BFSP2: variants seen among roughly 807,000 people sequenced by gnomAD.
BFSP2 encodes the protein phakinin.
Under a neutral mutation model 44.9 loss-of-function variants are expected in BFSP2, and 38 were observed. That is an observed-to-expected ratio of 0.85 (90% confidence interval 0.65 to 1.11). The LOEUF is 1.11. Ranked by LOEUF, BFSP2 falls within the 50% of genes least tolerant of loss-of-function variation. The pLI, the probability that BFSP2 is intolerant of heterozygous loss-of-function variation, is 0.00. For missense variants in BFSP2, 525 were observed against 533.0 expected (o/e 0.99, Z 0.15); for synonymous variants, 197 against 209.9 (o/e 0.94, Z 0.53).
chr3:133,446,401 A>G (rs1362208574), intron 1 of BFSP2, among the ~76,000 whole-genome samples: 4 of 151,492 alleles, frequency 2.6e-5, no homozygotes, highest in Middle Eastern at 3.2e-3. Context: ...AGCCTGGGCA[A>G]CAAAGCAAGA....
chr3:133,418,721 C>G (rs1261318242), intron 1 of BFSP2, among the ~76,000 whole-genome samples: 1 of 152,176 alleles, frequency 6.6e-6, no homozygotes, highest in Non-Finnish European at 1.5e-5. Flanking sequence ...CTATGTTTTT[C>G]CTAACAAAAT....
Position 133,475,090 on chromosome 3 carries a change from G to C in BFSP2, c.*118G>C. The C allele has an allele frequency of 6.9e-7, 1 of 1,458,172 alleles. No homozygotes were observed. Among genetic ancestry groups the C allele is most frequent in the Non-Finnish European group, 9.6e-7 (1 of 1,040,160 alleles). The allele number at this position is 1,458,172 out of a possible 1,614,324, so 90.3% of individuals were successfully genotyped here. On this transcript the variant is annotated 3_prime_UTR_variant, in exon 7 of 7. Transcript: ENST00000302334. ...CCTGCTGGATTCCCTGGTTAATTCA[G>C]CTTGAGCTGAAAAGCTTCCTGGAAG... is the stretch of plus-strand genomic sequence containing the variant.
chr3:133,433,143 C>G (rs951080223), intron 1 of BFSP2, among the ~76,000 whole-genome samples: 65 of 152,200 alleles, frequency 4.3e-4, no homozygotes, highest in African/African-American at 1.5e-3. Flanking sequence ...AATCTGGCCT[C>G]CCACATTATT....
chr3:133,462,246 G>A (rs2074071139), intron 4 of BFSP2, among the ~76,000 whole-genome samples: 1 of 130,670 alleles, frequency 7.7e-6, no homozygotes, highest in Non-Finnish European at 1.8e-5. Flanking sequence ...ACGTTTATTT[G>A]TAAAAAAAGA....
At chr3:133,450,179 G>A (rs2073948717) in intron 3 of BFSP2, 124 bp from the exon 4 acceptor site, 3 of 1,087,796 alleles carry the variant, frequency 2.8e-6, no homozygotes, top group Admixed American at 3.9e-5. Context: ...TCTCTGTGAA[G>A]CCTGTGTCTG....
intron 1 of BFSP2, among the ~76,000 whole-genome samples, chr3:133,419,255 C>G (rs966557759): frequency 2.2e-4 from 33 of 152,136 alleles, no homozygotes; most frequent in African/African-American, 8.0e-4. Context: ...CAGTCACATT[C>G]TGGGGTACTG....
At chr3:133,464,451 T>C (rs2107938568) in intron 4 of BFSP2, among the ~76,000 whole-genome samples, 1 of 152,362 alleles carries the variant, frequency 6.6e-6, no homozygotes, top group Non-Finnish European at 1.5e-5. Context: ...AATTAGATAC[T>C]TGATTAAAAC....
chr3:133,466,746 TG>T, intron 4 of BFSP2, 81 bp from the exon 5 acceptor site: 1 of 1,425,930 alleles, frequency 7.0e-7, no homozygotes, highest in Non-Finnish European at 9.6e-7. Flanking sequence ...GGCAGTGGAG[TG>T]GTGATTAGAA....
At chr3:133,431,625 G>A (rs1338281085) in intron 1 of BFSP2, among the ~76,000 whole-genome samples, 14 of 152,248 alleles carry the variant, frequency 9.2e-5, no homozygotes, top group East Asian at 3.9e-4. Context: ...CAGAAGCCCC[G>A]CAGACCATCA....
intron 1 of BFSP2, among the ~76,000 whole-genome samples, chr3:133,419,702 C>T (rs77641780): frequency 1.9e-3 from 289 of 152,350 alleles, no homozygotes; most frequent in African/African-American, 6.8e-3. Context: ...TGGGCGGCTT[C>T]CGACCCATCA....
rs781292197 is a variant in BFSP2 at position 133,400,954 on chromosome 3, C to A, written c.489+382C>A. On this transcript the variant is annotated intron_variant, in intron 1 of 6. Transcript: ENST00000302334. The surrounding 1 kb of genome is among the most constrained non-coding windows in gnomAD (Gnocchi z 4.0). ...CCAAAGTTGCATTTGCCCCATTACC[C>A]TGGGGCTGCCTCAGTCACCTTTACT... Among the ~76,000 whole-genome samples the A allele has an allele frequency of 7.2e-5, 11 of 152,182 alleles. No individual in the cohort carries two copies. Among genetic ancestry groups the A allele is most frequent in the Non-Finnish European group, 7.3e-5 (5 of 68,028 alleles).
chr3:133,455,532 A>T (rs2074005601), intron 4 of BFSP2: 1 of 152,042 alleles, frequency 6.6e-6, no homozygotes, highest in South Asian at 2.1e-4. Context: ...CCACTCAGAT[A>T]CTCCTCTTTT....
chr3:133,420,512 TCA>T (rs2073583014), intron 1 of BFSP2, among the ~76,000 whole-genome samples: 1 of 152,162 alleles, frequency 6.6e-6, no homozygotes, highest in African/African-American at 2.4e-5. Flanking sequence ...TCCACCATGA[TCA>T]CAGAGTGAGC....
intron 5 of BFSP2, among the ~76,000 whole-genome samples, chr3:133,467,886 T>A (rs771066927): frequency 2.4e-4 from 37 of 152,184 alleles, no homozygotes; most frequent in Admixed American, 4.6e-4. Flanking sequence ...AAGAAAAGGA[T>A]CTGAGGATCT....
intron 5 of BFSP2, 144 bp downstream of exon 5, chr3:133,467,103 C>T (rs2074117788): frequency 1.7e-6 from 2 of 1,146,620 alleles, no homozygotes; most frequent in Non-Finnish European, 2.5e-6. Context: ...TTCTGACTCC[C>T]AAGGATCATC....
rs2074171136 is a variant in BFSP2 at position 133,472,386 on chromosome 3, G to GC, written c.1066dup (p.His356ProfsTer2). ...ACACCTTGCACGATGCCAAGCACTGGCATGACATGGAGCTCCAGAACCTGG... is the reference window on the plus strand; with the variant it reads ...ACACCTTGCACGATGCCAAGCACTGGCCATGACATGGAGCTCCAGAACCTGG... On this transcript the variant is annotated frameshift_variant, in exon 6 of 7. Transcript: ENST00000302334. LOFTEE classifies it high-confidence loss of function. The GC allele has an allele frequency of 6.2e-7, 1 of 1,613,910 alleles. No homozygotes were observed. Among genetic ancestry groups the GC allele is most frequent in the Non-Finnish European group, 8.5e-7 (1 of 1,180,006 alleles).
At chr3:133,468,537 G>A (rs1443187481) in intron 5 of BFSP2, among the ~76,000 whole-genome samples, 1 of 152,160 alleles carries the variant, frequency 6.6e-6, no homozygotes, top group Non-Finnish European at 1.5e-5. Flanking sequence ...TGACTCAATT[G>A]TGCATCTCTT....
intron 4 of BFSP2, among the ~76,000 whole-genome samples, chr3:133,461,588 G>A (rs1192031093): frequency 2.0e-5 from 3 of 152,178 alleles, no homozygotes; most frequent in Admixed American, 2.0e-4. Context: ...GCACAGGGTT[G>A]AAATGGAAAC....
intron 1 of BFSP2, among the ~76,000 whole-genome samples, chr3:133,421,199 GC>G (rs1199463173): frequency 6.6e-6 from 1 of 152,174 alleles, no homozygotes; most frequent in East Asian, 1.9e-4. Flanking sequence ...AAATGGAAGT[GC>G]CCCACAAAGT....
Sources: gnomAD v4.1 joint callset for allele counts (sites outside exome capture counted in the v4.1 genomes callset) on GRCh38, gnomAD v4.1.1 for gene constraint, Gnocchi (gnomAD v3.1) non-coding constraint, MANE v1.5 for transcripts, NCBI Gene and HGNC (gene_info 2026-07-23, HGNC 2026-07-21) for gene names.